The following TRAPPC9 variants were observed in gnomAD, a reference collection of about 807,000 sequenced individuals.
TRAPPC9 encodes trafficking protein particle complex subunit 9.
TRAPPC9 carries 83 observed loss-of-function variants against 124.0 expected under a neutral mutation model. The ratio of observed to expected loss-of-function variants is 0.67; its 90% CI spans 0.56 to 0.80. The LOEUF (loss-of-function observed/expected upper bound fraction) is 0.80. Among genes scored for constraint, TRAPPC9 ranks in the 30% least tolerant of loss-of-function variants. The probability of loss-of-function intolerance (pLI) is 0.00; values close to 1 mark genes in which losing one functional copy is unlikely to be tolerated. For missense variants in TRAPPC9, 1,302 were observed against 1,508.3 expected (o/e 0.86, Z 2.27); for synonymous variants, 638 against 617.5 (o/e 1.03, Z -0.49).
intron 21 of TRAPPC9, among the ~76,000 whole-genome samples, chr8:139,836,445 G>A (rs1211067920): frequency 2.1e-5 from 3 of 140,810 alleles, no homozygotes; most frequent in Non-Finnish European, 4.5e-5. Flanking sequence ...TGCATGGGAA[G>A]CCGCTGGGGG....
chr8:139,813,333 A>C (rs933679553), intron 21 of TRAPPC9, among the ~76,000 whole-genome samples: 2 of 152,100 alleles, frequency 1.3e-5, no homozygotes, highest in East Asian at 3.9e-4. Context: ...AGGGAGGGGG[A>C]GCACCAGCTC....
At chr8:140,121,781 A>G (rs1445040481) in intron 17 of TRAPPC9, among the ~76,000 whole-genome samples, 4 of 152,134 alleles carry the variant, frequency 2.6e-5, no homozygotes, top group African/African-American at 9.7e-5. Flanking sequence ...TCCTTCCAGT[A>G]GGGGTGAAAG....
intron 5 of TRAPPC9, among the ~76,000 whole-genome samples, chr8:140,419,448 A>AAACC (rs1554683878): frequency 1.1e-5 from 1 of 94,774 alleles, no homozygotes; most frequent in Non-Finnish European, 2.0e-5. Context: ...AAAAAAAAAA[A>AAACC]AAAACAAAAC....
intron 18 of TRAPPC9, among the ~76,000 whole-genome samples, chr8:140,013,178 A>G (rs1436470030): frequency 6.6e-6 from 1 of 152,204 alleles, no homozygotes; most frequent in Non-Finnish European, 1.5e-5. Context: ...GGTAAGGGCC[A>G]GATGGAGTTC....
chr8:140,116,995 A>G (rs1402744338), intron 17 of TRAPPC9, among the ~76,000 whole-genome samples: 1 of 152,064 alleles, frequency 6.6e-6, no homozygotes, highest in African/African-American at 2.4e-5. Context: ...ATACAGCCAG[A>G]GCATCCGGCC....
chr8:140,291,252 A>G (rs757505924), intron 11 of TRAPPC9, 174 bp from the exon 12 acceptor site: 17 of 684,716 alleles, frequency 2.5e-5, no homozygotes, highest in Non-Finnish European at 3.9e-5. Flanking sequence ...TCTCTGAAAC[A>G]AAGCAAGGTA....
At chr8:139,744,941 C>T (rs1818791798) in intron 21 of TRAPPC9, among the ~76,000 whole-genome samples, 1 of 152,238 alleles carries the variant, frequency 6.6e-6, no homozygotes, top group Non-Finnish European at 1.5e-5. Context: ...AGGCTCTCTG[C>T]TTCCTGAGCT....
intron 21 of TRAPPC9, among the ~76,000 whole-genome samples, chr8:139,807,653 G>A (rs1439752867): frequency 6.6e-6 from 1 of 152,120 alleles, no homozygotes; most frequent in East Asian, 1.9e-4. Context: ...CACAAAAGGT[G>A]GGCGAACGGT....
chr8:140,125,737 G>A (rs1023857107), intron 17 of TRAPPC9, among the ~76,000 whole-genome samples: 3 of 151,838 alleles, frequency 2.0e-5, no homozygotes, highest in Admixed American at 2.0e-4. Context: ...TGGGATTACA[G>A]GTGCGTGCCA....
At chr8:140,441,239 C>A (rs981953555) in intron 2 of TRAPPC9, among the ~76,000 whole-genome samples, 1 of 151,932 alleles carries the variant, frequency 6.6e-6, no homozygotes, top group Non-Finnish European at 1.5e-5. Flanking sequence ...CCTCAGCCTC[C>A]CAAAGAGCTG....
intron 5 of TRAPPC9, among the ~76,000 whole-genome samples, chr8:140,406,302 G>C (rs1219587771): frequency 1.3e-5 from 2 of 152,086 alleles, no homozygotes; most frequent in Non-Finnish European, 2.9e-5. Flanking sequence ...AAAAAATAAA[G>C]ATAAAATATT....
At chr8:139,933,042 G>A (rs891967405) in intron 19 of TRAPPC9, 25 of 157,310 alleles carry the variant, frequency 1.6e-4, no homozygotes, top group South Asian at 1.9e-4. Flanking sequence ...ATTCCCCGCC[G>A]GGAGCAACAT....
At chr8:140,194,401 A>C (rs899658046) in intron 17 of TRAPPC9, among the ~76,000 whole-genome samples, 11 of 152,198 alleles carry the variant, frequency 7.2e-5, no homozygotes, top group Admixed American at 4.6e-4. Context: ...CTCTAGATTT[A>C]TTATACCTAA....
intron 17 of TRAPPC9, among the ~76,000 whole-genome samples, chr8:140,073,614 T>C (rs1843317594): frequency 6.6e-6 from 1 of 152,212 alleles, no homozygotes; most frequent in African/African-American, 2.4e-5. Context: ...GAAGGGTTAA[T>C]AGAATGTATC....
chr8:140,154,099 T>A (rs2061591798), intron 17 of TRAPPC9, among the ~76,000 whole-genome samples: 1 of 152,182 alleles, frequency 6.6e-6, no homozygotes, highest in Admixed American at 6.5e-5. Context: ...ACTCGCCAGA[T>A]CTAGGACTAA....
At chr8:140,218,819 G>A (rs1450370995) in intron 17 of TRAPPC9, among the ~76,000 whole-genome samples, 2 of 152,082 alleles carry the variant, frequency 1.3e-5, no homozygotes, top group Non-Finnish European at 2.9e-5. Flanking sequence ...AATTAGCCGG[G>A]TGTGGTGGCG....
intron 2 of TRAPPC9, among the ~76,000 whole-genome samples, chr8:140,443,647 T>A (rs2071127707): frequency 6.6e-6 from 1 of 152,010 alleles, no homozygotes; most frequent in Non-Finnish European, 1.5e-5. Flanking sequence ...ACACCTGAAA[T>A]CTCAGCACTT....
At chr8:140,276,389 G>A (rs200335603) in intron 14 of TRAPPC9, among the ~76,000 whole-genome samples, 2 of 152,126 alleles carry the variant, frequency 1.3e-5, no homozygotes, top group East Asian at 3.9e-4. Flanking sequence ...GCTGGGCCAG[G>A]CCCTGGGGTC....
chr8:139,936,973 C>A (rs1328305717), intron 19 of TRAPPC9, among the ~76,000 whole-genome samples: 1 of 133,356 alleles, frequency 7.5e-6, no homozygotes, highest in African/African-American at 2.9e-5. Context: ...CGAGTGGGCA[C>A]TGCAGTGTGG....
Sources: gnomAD v4.1 joint callset for allele counts (sites outside exome capture counted in the v4.1 genomes callset) on GRCh38, gnomAD v4.1.1 for gene constraint, MANE v1.5 for transcripts, NCBI Gene and HGNC (gene_info 2026-07-23, HGNC 2026-07-21) for gene names.